LIPA: variants seen among roughly 807,000 people sequenced by gnomAD.
LIPA encodes the protein lipase A, lysosomal acid type, also known as lysosomal acid lipase/cholesteryl ester hydrolase.
In LIPA, 26 loss-of-function variants were observed where a neutral mutation model predicts 40.6. The observed-to-expected ratio is 0.64, with a 90% CI of 0.47 to 0.89. The LOEUF is 0.89. Ranked by LOEUF, LIPA falls within the 40% of genes least tolerant of loss-of-function variation. The pLI is 0.00. For synonymous variants in LIPA, 188 were observed against 168.4 expected, an observed-to-expected ratio of 1.12 and a Z score of -0.90; for missense variants, 455 against 479.6, an observed-to-expected ratio of 0.95 and a Z score of 0.48.
upstream of LIPA, among the ~76,000 whole-genome samples, chr10:89,345,029 T>C (rs548261109): frequency 2.0e-5 from 3 of 151,808 alleles, no homozygotes; most frequent in South Asian, 6.2e-4. Context: ...TAGCAAGGCA[T>C]AGTGGCGGGC....
intron 1 of LIPA, among the ~76,000 whole-genome samples, chr10:89,316,834 C>T (rs1010883551): frequency 6.6e-6 from 1 of 152,224 alleles, no homozygotes; most frequent in Non-Finnish European, 1.5e-5. Flanking sequence ...CCAGTAGGGG[C>T]TGACTGACAC....
intron 1 of LIPA, chr10:89,332,556 A>C (rs1417777879): frequency 3.7e-6 from 6 of 1,613,762 alleles, no homozygotes; most frequent in Non-Finnish European, 5.1e-6. Context: ...ATTTGCTTGG[A>C]ATCAGTAAGC....
chr10:89,306,090 A>T, intron 1 of LIPA: 1 of 1,614,162 alleles, frequency 6.2e-7, no homozygotes, highest in Non-Finnish European at 8.5e-7. Context: ...ACTGAGTTTC[A>T]GAATCGTGAA....
intron 2 of LIPA, among the ~76,000 whole-genome samples, chr10:89,408,330 G>A (rs1841442422): frequency 6.6e-6 from 1 of 152,324 alleles, no homozygotes; most frequent in East Asian, 1.9e-4. Flanking sequence ...GGCAAATGGA[G>A]TGAAATACCT....
chr10:89,328,141 T>C (rs1383254484), intron 1 of LIPA: 3 of 1,496,164 alleles, frequency 2.0e-6, no homozygotes, highest in African/African-American at 2.8e-5. Context: ...GTTGAGTTTC[T>C]TACTGTGCAG....
chr10:89,321,274 G>A (rs1319371199), intron 1 of LIPA, among the ~76,000 whole-genome samples: 10 of 152,048 alleles, frequency 6.6e-5, no homozygotes, highest in Non-Finnish European at 1.5e-5. Context: ...CATCAGAGTG[G>A]ACAGGCAACC....
Position 89,225,030 on chromosome 10 carries a change from T to G in LIPA, c.675+62A>C, listed in dbSNP as rs2297473. ...GCACAGATTATCCCTCCCCTTGCCA[T>G]TTCTTCAGATCTCAGGAGGAAATCT... On this transcript the variant is annotated intron_variant, in intron 6 of 9. Coordinates refer to ENST00000336233, the MANE Select transcript of LIPA (RefSeq NM_000235.4). 534,189 of 1,582,212 alleles carry G rather than the reference T, an allele frequency of 0.34. 98,287 individuals are homozygous for G. The highest frequency in any genetic ancestry group is 0.78 in the East Asian group (34,658 of 44,696).
rs1403292633 is a variant in LIPA, at chr10:89,229,343, T to C, written c.230-945A>G. On this transcript the variant is annotated intron_variant, in intron 3 of 9. Coordinates refer to ENST00000336233, the MANE Select transcript of LIPA (RefSeq NM_000235.4). Reference sequence around the variant, plus strand: ...GGGTTAGGAGGGAGGAAGGAATTCATAGACAGAGTAAAGAGGATTTTTCAG... The same window carrying C: ...GGGTTAGGAGGGAGGAAGGAATTCACAGACAGAGTAAAGAGGATTTTTCAG... 7.2e-5 allele frequency among the ~76,000 whole-genome samples: 11 copies of C among 152,302 alleles called. No individual in the cohort carries two copies. In the East Asian group the frequency reaches 1.3e-3, roughly 19 times the overall value.
chr10:89,281,768 T>A (rs1003913113), intron 1 of LIPA, among the ~76,000 whole-genome samples: 1 of 152,210 alleles, frequency 6.6e-6, no homozygotes, highest in Non-Finnish European at 1.5e-5. Flanking sequence ...TTAGGGAAAG[T>A]ATTAGGCAGG....
intron 2 of LIPA, among the ~76,000 whole-genome samples, chr10:89,369,307 G>A (rs567373772): frequency 6.6e-6 from 1 of 152,276 alleles, no homozygotes; most frequent in South Asian, 2.1e-4. Context: ...ACACTGGGCT[G>A]AGGAAACCAC....
At chr10:89,297,357 C>T (rs1843421358) in intron 1 of LIPA, among the ~76,000 whole-genome samples, 1 of 152,112 alleles carries the variant, frequency 6.6e-6, no homozygotes, top group Non-Finnish European at 1.5e-5. Flanking sequence ...TCTCTCAGCT[C>T]CCCCAAGACC....
At chr10:89,251,343 A>T (rs1843117252) in intron 1 of LIPA, among the ~76,000 whole-genome samples, 1 of 152,142 alleles carries the variant, frequency 6.6e-6, no homozygotes, top group Admixed American at 6.5e-5. Flanking sequence ...GGCTAACAAG[A>T]GAGGTAGGAT....
chr10:89,245,948 C>T (rs1843019274), intron 2 of LIPA, among the ~76,000 whole-genome samples, 155 bp from the exon 3 acceptor site: 1 of 152,044 alleles, frequency 6.6e-6, no homozygotes, highest in South Asian at 2.1e-4. Context: ...GCCAACTTCT[C>T]ATCACAAGAG....
chr10:89,261,841 C>G (rs910228092), intron 1 of LIPA, among the ~76,000 whole-genome samples: 1 of 152,216 alleles, frequency 6.6e-6, no homozygotes, highest in Admixed American at 6.5e-5. Context: ...TATTGCTGCC[C>G]TGCAATGTGC....
chr10:89,261,360 C>T (rs1843206221), intron 1 of LIPA, among the ~76,000 whole-genome samples: 1 of 152,188 alleles, frequency 6.6e-6, no homozygotes, highest in African/African-American at 2.4e-5. Flanking sequence ...CAAAAATTAG[C>T]TGGGTTTGAT....
intron 8 of LIPA, among the ~76,000 whole-genome samples, chr10:89,217,796 G>A (rs906295521): frequency 2.0e-5 from 3 of 152,202 alleles, no homozygotes; most frequent in Non-Finnish European, 2.9e-5. Flanking sequence ...CAGTTGATAA[G>A]AACAGACTTC....
intron 1 of LIPA, among the ~76,000 whole-genome samples, chr10:89,248,476 A>C (rs1389346820): frequency 1.1e-5 from 1 of 90,924 alleles, no homozygotes; most frequent in Non-Finnish European, 2.2e-5. Context: ...TTATTTATTT[A>C]TTTATTTATT....
chr10:89,404,207 AAGAAC>A (rs1195450208), intron 2 of LIPA: 2 of 152,518 alleles, frequency 1.3e-5, no homozygotes, highest in Non-Finnish European at 2.9e-5. Context: ...ATGGAAAACA[AAGAAC>A]AGAAGACTCA....
chr10:89,237,286 C>T (rs889339267), intron 3 of LIPA, among the ~76,000 whole-genome samples: 2 of 151,942 alleles, frequency 1.3e-5, no homozygotes, highest in African/African-American at 4.8e-5. Context: ...CTCTAAAAAA[C>T]CAAAAATTAA....
Sources: gnomAD v4.1 joint callset for allele counts (sites outside exome capture counted in the v4.1 genomes callset) on GRCh38, gnomAD v4.1.1 for gene constraint, MANE v1.5 for transcripts, NCBI Gene and HGNC (gene_info 2026-07-23, HGNC 2026-07-21) for gene names.